Variants in C9 observed in about 807,000 individuals in gnomAD.
C9 encodes complement C9.
A neutral mutation model predicts 65.4 loss-of-function variants in C9; 63 were observed. That is an observed-to-expected ratio of 0.96 (90% confidence interval 0.79 to 1.19). The LOEUF (loss-of-function observed/expected upper bound fraction) is 1.19, where lower values mean the gene tolerates loss of function less well. Among genes scored for constraint, C9 ranks in the 50% most tolerant of loss-of-function variants. The pLI is 0.00. For missense variants in C9, 744 were observed against 670.1 expected, an observed-to-expected ratio of 1.11 and a Z score of -1.22; for synonymous variants, 229 against 227.9, an observed-to-expected ratio of 1.00 and a Z score of -0.04.
intron 1 of C9, among the ~76,000 whole-genome samples, chr5:39,363,328 C>A (rs1361063938): frequency 6.6e-6 from 1 of 152,214 alleles, no homozygotes; most frequent in Non-Finnish European, 1.5e-5. Flanking sequence ...GGTGCCCCCT[C>A]CTGAAAGATA....
chr5:39,352,988 T>C (rs1490137530), intron 1 of C9, among the ~76,000 whole-genome samples: 1 of 152,158 alleles, frequency 6.6e-6, no homozygotes, highest in Non-Finnish European at 1.5e-5. Context: ...TCCTGTATTA[T>C]TTTGTTGGGC....
intron 4 of C9, among the ~76,000 whole-genome samples, chr5:39,332,318 T>C (rs1462892462): frequency 6.6e-6 from 1 of 152,182 alleles, no homozygotes; most frequent in East Asian, 1.9e-4. Flanking sequence ...AGCTGTCTCA[T>C]TGCTTGTCAA....
intron 5 of C9, among the ~76,000 whole-genome samples, chr5:39,318,318 C>A (rs1380963611): frequency 2.0e-5 from 3 of 152,116 alleles, no homozygotes; most frequent in African/African-American, 2.4e-5. Context: ...GATAATTTGA[C>A]TTTCTCTCTT....
intron 4 of C9, among the ~76,000 whole-genome samples, chr5:39,335,675 A>T (rs1002916366): frequency 6.6e-6 from 1 of 152,178 alleles, no homozygotes; most frequent in African/African-American, 2.4e-5. Context: ...TACATGTGGG[A>T]GGTCCTGGAA....
rs1283630102 is a variant in C9 at position 39,339,095 on chromosome 5, T to C, written c.476+2051A>G. Among the ~76,000 whole-genome samples, 5 of 152,208 alleles carry C rather than the reference T, an allele frequency of 3.3e-5. No individual in the cohort carries two copies. In the South Asian group the frequency reaches 8.3e-4, roughly 25 times the overall value. On this transcript the variant is annotated intron_variant, in intron 4 of 10. Transcript: ENST00000263408. ...TCACCATGGACTCACAATCTTTCCC[T>C]GAGGAAATAAATAAAAAGAATCAGG... is the stretch of plus-strand genomic sequence containing the variant.
In C9 at chr5:39,315,898, AT is replaced by A. The variant is rs1753561406; in HGVS notation, c.746del (p.Asn249IlefsTer49). ...TTTCCTCACAACATTGTTCAGCTTT[AT>A]TTGTTTCAGTGGGTGTAAATTTTAG... is the stretch of plus-strand genomic sequence containing the variant. ...ISLKFTPTET[N>X]KAEQCCEETA... On this transcript the variant is annotated frameshift_variant, in exon 6 of 11. Coordinates refer to ENST00000263408, the MANE Select transcript of C9 (RefSeq NM_001737.5). LOFTEE classifies it high-confidence loss of function. 1 of 1,613,392 alleles carries A rather than the reference AT, an allele frequency of 6.2e-7. No individual in the cohort carries two copies. Among genetic ancestry groups the A allele is most frequent in the African/African-American group, 1.3e-5 (1 of 74,904 alleles).
rs1753482878 is a variant in C9 at position 39,311,396 on chromosome 5, G to T, written c.871-19C>A. On this transcript the variant is annotated intron_variant, in intron 6 of 10. Transcript: ENST00000263408. ...TTTTTTCCTGTGTTGTAGAGCAGAT[G>T]AAGAAGAGAAACATGTGTTTTATCC... 1 of 1,607,366 alleles carries T rather than the reference G, an allele frequency of 6.2e-7. No homozygotes were observed. Among genetic ancestry groups the T allele is most frequent in the Admixed American group, 1.7e-5 (1 of 59,942 alleles).
chr5:39,300,042 T>C (rs936678843), intron 9 of C9, among the ~76,000 whole-genome samples: 1 of 152,152 alleles, frequency 6.6e-6, no homozygotes, highest in Admixed American at 6.6e-5. Flanking sequence ...GAGATTTTTA[T>C]CTCTTTTATT....
chr5:39,341,813 A>G lies in C9; in HGVS notation c.184-113T>C, dbSNP rs1754092158. 10 of 1,008,470 alleles carry G rather than the reference A, an allele frequency of 9.9e-6. No individual in the cohort carries two copies. In the South Asian group the frequency reaches 1.1e-4, roughly 11 times the overall value. 62.5% of individuals were successfully genotyped at this position (1,008,470 alleles called of 1,614,324 possible). The stretch of plus-strand genomic sequence containing the variant: ...CAATGAGTCAATGGTTTTAAGATAG[A>G]AGTGGTGGAAGAAGTCACTGATGTT... On this transcript the variant is annotated intron_variant, in intron 2 of 10. Coordinates refer to ENST00000263408, the MANE Select transcript of C9 (RefSeq NM_001737.5).
At chr5:39,287,961 C>T (rs1222040697) in intron 10 of C9, among the ~76,000 whole-genome samples, 1 of 151,670 alleles carries the variant, frequency 6.6e-6, no homozygotes, top group Non-Finnish European at 1.5e-5. Context: ...TTCACATGTA[C>T]CCTTTAAATT....
intron 5 of C9, among the ~76,000 whole-genome samples, chr5:39,323,572 T>C (rs1753700361): frequency 6.6e-6 from 1 of 151,230 alleles, no homozygotes; most frequent in Admixed American, 6.6e-5. Flanking sequence ...AAAAATTATA[T>C]GATCATCTCA....
At chr5:39,346,274 C>A (rs1372283670) in intron 1 of C9, among the ~76,000 whole-genome samples, 2 of 151,968 alleles carry the variant, frequency 1.3e-5, no homozygotes, top group East Asian at 3.9e-4. Context: ...AGACCACTAG[C>A]AAGACTAATA....
chr5:39,359,341 A>G (rs1754475060), intron 1 of C9, among the ~76,000 whole-genome samples: 1 of 151,798 alleles, frequency 6.6e-6, no homozygotes, highest in Non-Finnish European at 1.5e-5. Context: ...GCAATTGGTC[A>G]CTGGGCTCAG....
chr5:39,356,314 T>G (rs1314955246), intron 1 of C9, among the ~76,000 whole-genome samples: 1 of 152,238 alleles, frequency 6.6e-6, no homozygotes, highest in Non-Finnish European at 1.5e-5. Context: ...AATGTTTCCC[T>G]GTCTCCTGTG....
At chr5:39,350,626 C>G (rs1056671443) in intron 1 of C9, among the ~76,000 whole-genome samples, 1 of 152,160 alleles carries the variant, frequency 6.6e-6, no homozygotes, top group African/African-American at 2.4e-5. Flanking sequence ...AGGCACCATG[C>G]AAGTCCAAAA....
Position 39,315,912 on chromosome 5 carries a change from G to T in C9, c.733C>A (p.Pro245Thr). The T allele has an allele frequency of 6.2e-7, 1 of 1,612,552 alleles. No individual in the cohort carries two copies. Among genetic ancestry groups the T allele is most frequent in the Admixed American group, 1.7e-5 (1 of 60,012 alleles). ...TGTTCAGCTTTATTTGTTTCAGTGG[G>T]TGTAAATTTTAGAGATATAGCTGCA... ...FNAAISLKFT[P>T]TETNKAEQCC... is the part of the protein sequence containing the mutation. Residue 245 changes from proline (P) to threonine (T), a missense_variant, in exon 6 of 11, where the codon CCC becomes ACC. Physicochemically the swap from Pro to Thr is conservative, Grantham distance 38 (BLOSUM62 -1). Transcript: ENST00000263408.
At chr5:39,320,967 C>T (rs265713) in intron 5 of C9, among the ~76,000 whole-genome samples, 248 of 152,028 alleles carry the variant, frequency 1.6e-3, no homozygotes, top group African/African-American at 5.8e-3. Context: ...AAAAAATTTC[C>T]CAGAGACACA....
intron 9 of C9, among the ~76,000 whole-genome samples, chr5:39,296,685 A>G (rs1193086522): frequency 6.6e-6 from 1 of 151,614 alleles, no homozygotes; most frequent in Non-Finnish European, 1.5e-5. Flanking sequence ...CCACATGGAT[A>G]AATAAATAAT....
intron 5 of C9, among the ~76,000 whole-genome samples, chr5:39,330,169 T>C (rs1037539134): frequency 6.6e-6 from 1 of 152,236 alleles, no homozygotes; most frequent in Non-Finnish European, 1.5e-5. Flanking sequence ...GTCTTCATTT[T>C]TCCCACCATA....
Sources: allele counts gnomAD v4.1 joint callset (sites outside exome capture counted in the v4.1 genomes callset), GRCh38; gene constraint gnomAD v4.1.1; transcripts MANE v1.5; gene names NCBI Gene and HGNC (gene_info 2026-07-23, HGNC 2026-07-21).